The following NBEA variants were observed in gnomAD, a reference collection of about 807,000 sequenced individuals.
NBEA encodes lysosomal-trafficking regulator 2.
NBEA carries 44 observed loss-of-function variants against 343.4 expected under a neutral mutation model. The ratio of observed to expected loss-of-function variants is 0.13; its 90% CI spans 0.10 to 0.16. The LOEUF (loss-of-function observed/expected upper bound fraction) is 0.16. Ranked by LOEUF, NBEA falls within the 10% of genes least tolerant of loss-of-function variation. The pLI is 1.00. For synonymous variants in NBEA, 1,175 were observed against 1,238.7 expected (o/e 0.95, Z 1.08); for missense variants, 2,555 against 3,631.3 (o/e 0.70, Z 7.62).
intron 39 of NBEA, among the ~76,000 whole-genome samples, chr13:35,445,780 G>C (rs1268701564): frequency 3.2e-5 from 2 of 63,316 alleles, no homozygotes; most frequent in East Asian, 8.8e-4. Context: ...AGATATAAAT[G>C]TTTATATATA....
At chr13:35,202,421 G>A (rs901224427) in intron 31 of NBEA, among the ~76,000 whole-genome samples, 1 of 152,126 alleles carries the variant, frequency 6.6e-6, no homozygotes, top group Non-Finnish European at 1.5e-5. Context: ...CAGAAAGAAC[G>A]GGATTCTTAT....
At chr13:35,160,374 G>A (rs2152711785) in intron 22 of NBEA, among the ~76,000 whole-genome samples, 1 of 152,102 alleles carries the variant, frequency 6.6e-6, no homozygotes. Flanking sequence ...TACACATTTT[G>A]TACTCAAGAT....
At chr13:35,494,653 GC>G (rs1208351626) in intron 41 of NBEA, among the ~76,000 whole-genome samples, 2 of 151,954 alleles carry the variant, frequency 1.3e-5, no homozygotes, top group Non-Finnish European at 2.9e-5. Context: ...AAAACGAAAA[GC>G]AAAATATCAG....
chr13:35,625,252 G>A (rs1177408048), intron 48 of NBEA, among the ~76,000 whole-genome samples: 1 of 152,198 alleles, frequency 6.6e-6, no homozygotes, highest in Non-Finnish European at 1.5e-5. Flanking sequence ...CATGGATAAA[G>A]TTAATAGATA....
intron 58 of NBEA, 97 bp downstream of exon 58, chr13:35,668,616 G>A: frequency 1.7e-6 from 2 of 1,205,736 alleles, no homozygotes; most frequent in Non-Finnish European, 2.2e-6. Context: ...TGCAATTCCA[G>A]CATCCAAATG....
chr13:34,993,240 A>T (rs2060825351), intron 1 of NBEA, among the ~76,000 whole-genome samples: 2 of 152,188 alleles, frequency 1.3e-5, no homozygotes, highest in South Asian at 4.1e-4. Context: ...ATCTCAGCCG[A>T]AATATTATTT....
intron 34 of NBEA, among the ~76,000 whole-genome samples, chr13:35,285,600 T>C (rs1031146755): frequency 9.9e-5 from 15 of 152,156 alleles, no homozygotes; most frequent in African/African-American, 3.1e-4. Flanking sequence ...CAAATAGTTG[T>C]TAAAATAGTT....
intron 21 of NBEA, 121 bp downstream of exon 21, chr13:35,157,391 G>A (rs2069241720): frequency 3.9e-6 from 3 of 764,094 alleles, no homozygotes; most frequent in Non-Finnish European, 5.6e-6. Flanking sequence ...CTGTATCTCA[G>A]TTTTGTATTT....
chr13:35,051,526 TTC>T (rs2152564030), intron 6 of NBEA, among the ~76,000 whole-genome samples: 1 of 152,152 alleles, frequency 6.6e-6, no homozygotes, highest in East Asian at 1.9e-4. Flanking sequence ...TTATTGTCAT[TTC>T]TGTTAAAGAA....
At chr13:35,051,249 T>G (rs1395279066) in intron 6 of NBEA, among the ~76,000 whole-genome samples, 1 of 151,946 alleles carries the variant, frequency 6.6e-6, no homozygotes, top group East Asian at 1.9e-4. Context: ...ATTATCAACG[T>G]TTTTTAGGGC....
At chr13:35,281,407 A>G (rs2035042349) in intron 34 of NBEA, among the ~76,000 whole-genome samples, 1 of 152,124 alleles carries the variant, frequency 6.6e-6, no homozygotes, top group Admixed American at 6.6e-5. Flanking sequence ...TGTGAAGTTT[A>G]GTTTGTTTTT....
chr13:35,407,134 G>GT (rs11452480), intron 38 of NBEA, among the ~76,000 whole-genome samples: 85,648 of 148,300 alleles, frequency 0.58, 27,053 homozygotes, highest in South Asian at 0.72. Flanking sequence ...TAATTTTTGT[G>GT]TTTTTTTTTC....
intron 28 of NBEA, among the ~76,000 whole-genome samples, chr13:35,181,190 G>C (rs1440730387): frequency 1.3e-5 from 2 of 151,910 alleles, no homozygotes; most frequent in East Asian, 3.9e-4. Flanking sequence ...TAAATACCCA[G>C]TAGTGGGATT....
intron 41 of NBEA, among the ~76,000 whole-genome samples, chr13:35,528,311 C>G (rs1310840434): frequency 6.6e-6 from 1 of 152,048 alleles, no homozygotes; most frequent in African/African-American, 2.4e-5. Context: ...TGTGTTGATG[C>G]CAAACAGAAA....
At chr13:35,232,060 T>A (rs756952239) in intron 33 of NBEA, among the ~76,000 whole-genome samples, 2 of 152,184 alleles carry the variant, frequency 1.3e-5, no homozygotes. Context: ...CGAATTTCAG[T>A]TATTCCCTTA....
chr13:34,992,471 G>A (rs1288971349), intron 1 of NBEA, among the ~76,000 whole-genome samples: 1 of 151,452 alleles, frequency 6.6e-6, no homozygotes, highest in Non-Finnish European at 1.5e-5. Flanking sequence ...GGACAGGCTG[G>A]TCTTGAACTC....
rs903149537 is a variant in NBEA, at chr13:35,627,440, C to CT, written c.7450-631dup. ...ATGGCTTCTTAGGAAATAAAAAGGC[C>CT]TTTTTTTTTTCTTTTTTCTGTTTAT... On this transcript the variant is annotated intron_variant, in intron 48 of 58. Transcript: ENST00000379939. 3.6e-4 allele frequency among the ~76,000 whole-genome samples: 53 copies of CT among 149,168 alleles called. No homozygotes were observed. The East Asian group carries it at 4.5e-3, about 13-fold the overall frequency.
chr13:34,946,834 G>T (rs2059199331), intron 1 of NBEA, among the ~76,000 whole-genome samples: 1 of 150,598 alleles, frequency 6.6e-6, no homozygotes. Context: ...TTTGTTAAAA[G>T]GGTAACTTTA....
At position 35,169,575 on chromosome 13, in the gene NBEA, A is replaced by C. The variant is rs576065939; in HGVS notation, c.4242+580A>C. Among the ~76,000 whole-genome samples, 3 of 151,776 alleles carry C rather than the reference A, an allele frequency of 2.0e-5. No individual in the cohort carries two copies. The South Asian group carries it at 6.2e-4, about 31-fold the overall frequency. Reference sequence around the variant, plus strand: ...CAGGTCAAAACACTCAAAACCATTAAATAATGAATATAGAGAGATAGCTAT... The same window carrying C: ...CAGGTCAAAACACTCAAAACCATTACATAATGAATATAGAGAGATAGCTAT... On this transcript the variant is annotated intron_variant, in intron 25 of 58. Transcript: ENST00000379939.
Sources: gnomAD v4.1 joint callset for allele counts (sites outside exome capture counted in the v4.1 genomes callset) on GRCh38, gnomAD v4.1.1 for gene constraint, MANE v1.5 for transcripts, NCBI Gene and HGNC (gene_info 2026-07-23, HGNC 2026-07-21) for gene names.